Variants in COL4A6 observed in about 807,000 individuals in gnomAD.
COL4A6 encodes collagen type IV alpha 6 chain, also known as collagen alpha-6(IV) chain.
In COL4A6, 59 loss-of-function variants were observed where a neutral mutation model predicts 126.7. That is an observed-to-expected ratio of 0.47 (90% CI 0.38 to 0.58). The LOEUF is 0.58. Among genes scored for constraint, COL4A6 ranks in the 20% least tolerant of loss-of-function variants. The pLI, the probability that COL4A6 is intolerant of heterozygous loss-of-function variation, is 0.00. For missense variants in COL4A6, 1,285 were observed against 1,337.3 expected (o/e 0.96, Z 0.61); for synonymous variants, 547 against 496.6 (o/e 1.10, Z -1.35).
intron 3 of COL4A6, among the ~76,000 whole-genome samples, chrX:108,291,190 T>TCA (rs2038152842): frequency 8.9e-6 from 1 of 112,036 alleles, no homozygotes. Flanking sequence ...CATTAGGACC[T>TCA]TATTTACTGA....
At chrX:108,314,954 TG>T (rs1356501535) in intron 2 of COL4A6, among the ~76,000 whole-genome samples, 1 of 112,040 alleles carries the variant, frequency 8.9e-6, no homozygotes, top group African/African-American at 3.2e-5. Flanking sequence ...TGCAACATTC[TG>T]GTCTCTCTCT....
chrX:108,314,170 G>C (rs1220965540), intron 2 of COL4A6, among the ~76,000 whole-genome samples: 2 of 111,614 alleles, frequency 1.8e-5, no homozygotes. Context: ...CACCTAGTAA[G>C]TGTCCCTGAC....
chrX:108,358,135 A>G (rs1157732721), intron 2 of COL4A6, among the ~76,000 whole-genome samples: 1 of 111,262 alleles, frequency 9.0e-6, no homozygotes, highest in Non-Finnish European at 1.9e-5. Context: ...CACAGCACTT[A>G]GAACTCAGCA....
At chrX:108,282,176 CA>C (rs1441429391) in intron 3 of COL4A6, among the ~76,000 whole-genome samples, 1 of 102,930 alleles carries the variant, frequency 9.7e-6, no homozygotes, top group Non-Finnish European at 2.0e-5. Context: ...AGCTTCTGCA[CA>C]GCAAAAGAAA....
intron 41 of COL4A6, among the ~76,000 whole-genome samples, chrX:108,162,219 A>G (rs958343281): frequency 9.1e-6 from 1 of 110,404 alleles, no homozygotes; most frequent in African/African-American, 3.3e-5. Context: ...GTGTGGTGGT[A>G]TGCACCTGTA....
chrX:108,277,983 C>T, intron 3 of COL4A6, among the ~76,000 whole-genome samples: 1 of 111,784 alleles, frequency 8.9e-6, no homozygotes, highest in East Asian at 2.8e-4. Context: ...ACACCAAAAT[C>T]CCATCTGTAC....
chrX:108,356,261 C>A (rs2148049867), intron 2 of COL4A6, among the ~76,000 whole-genome samples: 1 of 109,247 alleles, frequency 9.2e-6, no homozygotes, highest in African/African-American at 3.3e-5. Context: ...AGCACACCAC[C>A]ATGGCACATG....
chrX:108,166,870 T>C (rs1468205664), intron 37 of COL4A6, among the ~76,000 whole-genome samples: 2 of 109,949 alleles, frequency 1.8e-5, no homozygotes, highest in East Asian at 5.7e-4. Flanking sequence ...ACACATATAT[T>C]ATGTATATAT....
At chrX:108,286,293 C>A (rs1328874585) in intron 3 of COL4A6, among the ~76,000 whole-genome samples, 1 of 111,951 alleles carries the variant, frequency 8.9e-6, no homozygotes, top group Admixed American at 9.4e-5. Flanking sequence ...CACCGAGGGG[C>A]AGTCTTATTC....
intron 3 of COL4A6, among the ~76,000 whole-genome samples, chrX:108,282,224 A>G (rs2147810547): frequency 1.0e-5 from 1 of 95,465 alleles, no homozygotes; most frequent in Admixed American, 1.2e-4. Context: ...ACAAAATGGG[A>G]GAAAATTTTT....
chrX:108,193,592 T>C (rs1294945811), intron 17 of COL4A6, 36 bp downstream of exon 17: 7 of 1,088,634 alleles, frequency 6.4e-6, no homozygotes, highest in Non-Finnish European at 7.6e-6. Flanking sequence ...TAACTTCCTG[T>C]CTTTATTTTC....
intron 3 of COL4A6, among the ~76,000 whole-genome samples, chrX:108,228,999 GAAC>G (rs1376828078): frequency 8.9e-6 from 1 of 112,302 alleles, no homozygotes; most frequent in African/African-American, 3.2e-5. Flanking sequence ...TAAACATGAA[GAAC>G]AACATGTTGA....
chrX:108,319,132 C>CT (rs35762796), intron 2 of COL4A6, among the ~76,000 whole-genome samples: 38,164 of 111,220 alleles, frequency 0.34, 5,558 homozygotes, highest in East Asian at 0.73. Flanking sequence ...AATCCCAGCA[C>CT]TTGGGAAGCC....
chrX:108,323,909 C>G (rs1027761350), intron 2 of COL4A6, among the ~76,000 whole-genome samples: 2 of 111,727 alleles, frequency 1.8e-5, no homozygotes, highest in African/African-American at 6.5e-5. Context: ...TCCTCAGTTG[C>G]GCAATGCGTG....
At chrX:108,426,494 C>T (rs1310609640) in intron 2 of COL4A6, among the ~76,000 whole-genome samples, 8 of 111,599 alleles carry the variant, frequency 7.2e-5, no homozygotes, top group African/African-American at 1.3e-4. Flanking sequence ...ATGCCTGGGG[C>T]GGTGTCTTTG....
intron 2 of COL4A6, among the ~76,000 whole-genome samples, chrX:108,430,593 G>A (rs1274293750): frequency 8.9e-6 from 1 of 111,776 alleles, no homozygotes; most frequent in African/African-American, 3.3e-5. Context: ...GGCTACTGAT[G>A]TATGAAGTTT....
intron 2 of COL4A6, among the ~76,000 whole-genome samples, chrX:108,352,449 T>A (rs1162698288): frequency 8.9e-6 from 1 of 112,343 alleles, no homozygotes; most frequent in African/African-American, 3.2e-5. Flanking sequence ...AAAGAAACTG[T>A]ATTCTGAGAG....
At chrX:108,434,546 TATA>T (rs1470897782) in intron 2 of COL4A6, among the ~76,000 whole-genome samples, 2 of 111,300 alleles carry the variant, frequency 1.8e-5, no homozygotes, top group Non-Finnish European at 3.8e-5. Flanking sequence ...CATTAAAATG[TATA>T]ATAAAACAAT....
At chrX:108,205,975 G>C (rs2052296445) in intron 9 of COL4A6, among the ~76,000 whole-genome samples, 2 of 111,645 alleles carry the variant, frequency 1.8e-5, no homozygotes, top group Admixed American at 1.9e-4. Context: ...CTAAGCCAAA[G>C]TACTGAGTAA....
Sources: allele counts gnomAD v4.1 joint callset (sites outside exome capture counted in the v4.1 genomes callset), GRCh38; gene constraint gnomAD v4.1.1; transcripts MANE v1.5; gene names NCBI Gene and HGNC (gene_info 2026-07-23, HGNC 2026-07-21).